ZMYM5: variants seen among roughly 807,000 people sequenced by gnomAD.
ZMYM5 encodes zinc finger MYM-type protein 5.
A neutral mutation model predicts 61.8 loss-of-function variants in ZMYM5; 41 were observed. The ratio of observed to expected loss-of-function variants is 0.66; its 90% confidence interval spans 0.52 to 0.86. ZMYM5 has a LOEUF of 0.86. Among genes scored for constraint, ZMYM5 ranks in the 40% least tolerant of loss-of-function variants. The pLI, the probability that ZMYM5 is intolerant of heterozygous loss-of-function variation, is 0.00. For synonymous variants in ZMYM5, 257 were observed against 276.4 expected (o/e 0.93, Z 0.70); for missense variants, 706 against 786.7 (o/e 0.90, Z 1.23).
Position 19,829,582 on chromosome 13 carries a change from C to T in ZMYM5, c.1252-4347G>A, listed in dbSNP as rs184853522. On this transcript the variant is annotated intron_variant, in intron 7 of 7. Transcript: ENST00000337963. ...CTGGGATTACAGACATAAGCCATTA[C>T]GCCTGGCAAACAATTTTTTTGAGAC... is the stretch of plus-strand genomic sequence containing the variant. Among the ~76,000 whole-genome samples the T allele has an allele frequency of 4.5e-4, 69 of 152,244 alleles. 1 individual carries two copies. Among genetic ancestry groups the T allele is most frequent in the Admixed American group, 9.2e-4 (14 of 15,266 alleles).
At position 19,840,347 on chromosome 13, in the gene ZMYM5, T is replaced by A. The variant is rs115186811; in HGVS notation, c.587-1362A>T. ...CTAGGTAACAAGGCAAAACCCCATC[T>A]CTACAAAAAATAAAATTAGCTGGGT... is the stretch of plus-strand genomic sequence containing the variant. On this transcript the variant is annotated intron_variant, in intron 4 of 7. Transcript: ENST00000337963. Among the ~76,000 whole-genome samples, 602 of 152,254 alleles carry A rather than the reference T, an allele frequency of 4.0e-3. 7 individuals carry two copies. Among genetic ancestry groups the A allele is most frequent in the African/African-American group, 0.013 (549 of 41,542 alleles).
intron 1 of ZMYM5, among the ~76,000 whole-genome samples, chr13:19,863,044 G>T (rs998783342): frequency 7.9e-5 from 12 of 152,234 alleles, no homozygotes; most frequent in Non-Finnish European, 1.3e-4. Flanking sequence ...AAAACCTGGG[G>T]ACCTCGGCTC....
chr13:19,851,659 G>A lies in ZMYM5; in HGVS notation c.492+30C>T, dbSNP rs1490553233. 2.6e-6 allele frequency: 4 copies of A among 1,554,388 alleles called. No individual in the cohort carries two copies. In the South Asian group the frequency reaches 3.8e-5, roughly 15 times the overall value. ...TGTATTTCAGAGTCAATTCTGTAGT[G>A]ATACCACTATTACCCATTCCTGCAT... is the stretch of plus-strand genomic sequence containing the variant. On this transcript the variant is annotated intron_variant, in intron 3 of 7. Coordinates refer to ENST00000337963, the MANE Select transcript of ZMYM5 (RefSeq NM_001142684.2).
intron 7 of ZMYM5, among the ~76,000 whole-genome samples, chr13:19,833,126 C>T (rs1402631326): frequency 1.3e-5 from 2 of 152,080 alleles, no homozygotes; most frequent in Non-Finnish European, 2.9e-5. Context: ...AATAATTTAA[C>T]ATAAATAAGG....
intron 4 of ZMYM5, chr13:19,843,648 C>T (rs1434816616): frequency 2.0e-5 from 3 of 151,462 alleles, no homozygotes; most frequent in African/African-American, 7.3e-5. Flanking sequence ...CCAGTCCGGG[C>T]AACATGGAGA....
intron 4 of ZMYM5, among the ~76,000 whole-genome samples, chr13:19,847,803 A>ATTTTT (rs34176871): frequency 1.6e-4 from 13 of 79,884 alleles, no homozygotes; most frequent in Non-Finnish European, 1.6e-4. Context: ...TGCCCGGCTA[A>ATTTTT]TTTTTTTTTT....
chr13:19,855,923 G>A (rs908303533), intron 2 of ZMYM5, among the ~76,000 whole-genome samples: 4 of 151,956 alleles, frequency 2.6e-5, no homozygotes, highest in Admixed American at 2.0e-4. Flanking sequence ...GGCTGAGGCA[G>A]GAGAATGGTG....
chr13:19,838,650 A>T (rs532678312), intron 5 of ZMYM5, 50 bp downstream of exon 5: 58 of 1,584,516 alleles, frequency 3.7e-5, no homozygotes, highest in Middle Eastern at 3.4e-4. Context: ...GTACTTATTT[A>T]TACCATTAGT....
At chr13:19,843,191 C>T (rs945380354) in intron 4 of ZMYM5, among the ~76,000 whole-genome samples, 2 of 149,820 alleles carry the variant, frequency 1.3e-5, no homozygotes, top group African/African-American at 4.9e-5. Flanking sequence ...GATCTTGGCT[C>T]ACTGCAACCT....
intron 7 of ZMYM5, among the ~76,000 whole-genome samples, chr13:19,831,836 T>C (rs1891240913): frequency 6.7e-6 from 1 of 149,336 alleles, no homozygotes; most frequent in South Asian, 2.2e-4. Flanking sequence ...GGTGTATGTC[T>C]GCCTAGTTTG....
chr13:19,861,801 G>C (rs1164076825), intron 2 of ZMYM5, among the ~76,000 whole-genome samples: 1 of 151,916 alleles, frequency 6.6e-6, no homozygotes, highest in Non-Finnish European at 1.5e-5. Context: ...GACAGAGAAA[G>C]GGCATTTGTA....
intron 4 of ZMYM5, among the ~76,000 whole-genome samples, chr13:19,845,900 T>A (rs1448923565): frequency 6.6e-6 from 1 of 152,202 alleles, no homozygotes; most frequent in Non-Finnish European, 1.5e-5. Context: ...TAGGCATGAC[T>A]CATTGGTCAT....
chr13:19,859,506 C>T (rs2138662236), intron 2 of ZMYM5, among the ~76,000 whole-genome samples: 1 of 152,108 alleles, frequency 6.6e-6, no homozygotes, highest in East Asian at 2.0e-4. Context: ...AGGTTCACGC[C>T]ATCCTCCTGC....
In ZMYM5 at chr13:19,834,363, T is replaced by C. The variant is rs190187435; in HGVS notation, c.1251+1114A>G. Among the ~76,000 whole-genome samples, 23 of 151,972 alleles carry C rather than the reference T, an allele frequency of 1.5e-4. No homozygotes were observed. The East Asian group carries it at 4.4e-3, about 29-fold the overall frequency. On this transcript the variant is annotated intron_variant, in intron 7 of 7. Coordinates refer to ENST00000337963, the MANE Select transcript of ZMYM5 (RefSeq NM_001142684.2). ...TATAAAATACATGTATCCAGAATAA[T>C]ACCAAGGACTCCTACAACTCAGTAA...
intron 4 of ZMYM5, among the ~76,000 whole-genome samples, chr13:19,847,842 G>C (rs1953137836): frequency 7.6e-6 from 1 of 130,812 alleles, no homozygotes; most frequent in Non-Finnish European, 1.6e-5. Flanking sequence ...TTTTAGTAGA[G>C]ACGGGTTTCA....
chr13:19,851,222 AAAAC>A (rs753905100), intron 4 of ZMYM5, 129 bp downstream of exon 4: 221 of 887,648 alleles, frequency 2.5e-4, no homozygotes, highest in Middle Eastern at 7.5e-4. Context: ...TCGGTCTCCA[AAAAC>A]AAACAAACAA....
intron 7 of ZMYM5, among the ~76,000 whole-genome samples, chr13:19,832,377 A>G (rs1271352296): frequency 6.6e-6 from 1 of 151,710 alleles, no homozygotes; most frequent in East Asian, 1.9e-4. Context: ...CCCAGGCTGG[A>G]GTGCAGTGGC....
intron 7 of ZMYM5, among the ~76,000 whole-genome samples, chr13:19,827,861 T>C (rs576527565): frequency 2.6e-5 from 4 of 151,114 alleles, no homozygotes; most frequent in African/African-American, 9.7e-5. Context: ...CTACTAAAAA[T>C]ACAGAAAGTT....
chr13:19,839,471 C>G (rs1349650174), intron 4 of ZMYM5, among the ~76,000 whole-genome samples: 1 of 152,088 alleles, frequency 6.6e-6, no homozygotes, highest in Non-Finnish European at 1.5e-5. Flanking sequence ...TCACTGCTAC[C>G]TCTGCCCCCC....
Sources: gnomAD v4.1 joint callset for allele counts (sites outside exome capture counted in the v4.1 genomes callset) on GRCh38, gnomAD v4.1.1 for gene constraint, MANE v1.5 for transcripts, NCBI Gene and HGNC (gene_info 2026-07-23, HGNC 2026-07-21) for gene names.